Variants in EXOC4 observed in about 807,000 individuals in gnomAD.
EXOC4 encodes SEC8-like 1.
EXOC4 carries 71 observed loss-of-function variants against 107.2 expected under a neutral mutation model. That is an observed-to-expected ratio of 0.66 (90% confidence interval 0.55 to 0.81). The LOEUF (loss-of-function observed/expected upper bound fraction) is 0.81. Ranked by LOEUF, EXOC4 falls within the 30% of genes least tolerant of loss-of-function variation. The pLI, the probability that EXOC4 is intolerant of heterozygous loss-of-function variation, is 0.00. For missense variants in EXOC4, 1,108 were observed against 1,189.6 expected, an observed-to-expected ratio of 0.93 and a Z score of 1.01; for synonymous variants, 456 against 441.2, an observed-to-expected ratio of 1.03 and a Z score of -0.42.
At chr7:133,989,424 T>C (rs1160437819) in intron 14 of EXOC4, among the ~76,000 whole-genome samples, 3 of 152,108 alleles carry the variant, frequency 2.0e-5, no homozygotes, top group South Asian at 4.1e-4. Context: ...TCAGAACATA[T>C]TGGCAAGTAA....
At chr7:133,448,478 T>A (rs192952023) in intron 7 of EXOC4, among the ~76,000 whole-genome samples, 36 of 152,108 alleles carry the variant, frequency 2.4e-4, no homozygotes, top group South Asian at 6.2e-4. Flanking sequence ...TTAATTAATT[T>A]ATTTATTTTT....
intron 10 of EXOC4, among the ~76,000 whole-genome samples, chr7:133,720,134 G>A (rs2151105364): frequency 6.6e-6 from 1 of 152,278 alleles, no homozygotes; most frequent in East Asian, 1.9e-4. Context: ...AAGTGGGTAA[G>A]TGAATCTACC....
intron 6 of EXOC4, among the ~76,000 whole-genome samples, chr7:133,370,433 T>C (rs1412519364): frequency 2.0e-5 from 3 of 152,080 alleles, no homozygotes; most frequent in African/African-American, 7.2e-5. Context: ...GGGTCATAGA[T>C]AGATAGAGAC....
chr7:134,055,447 A>G (rs1426350027), intron 17 of EXOC4, among the ~76,000 whole-genome samples: 1 of 152,204 alleles, frequency 6.6e-6, no homozygotes, highest in African/African-American at 2.4e-5. Flanking sequence ...GCCAGAATCA[A>G]CCATTACCTT....
intron 10 of EXOC4, among the ~76,000 whole-genome samples, chr7:133,688,613 C>A (rs896622379): frequency 1.3e-5 from 2 of 152,110 alleles, no homozygotes; most frequent in Admixed American, 6.6e-5. Flanking sequence ...AGTAAATTAT[C>A]TTTCAGTATT....
At chr7:133,621,863 C>T (rs1802337581) in intron 9 of EXOC4, among the ~76,000 whole-genome samples, 1 of 152,158 alleles carries the variant, frequency 6.6e-6, no homozygotes, top group Admixed American at 6.5e-5. Flanking sequence ...AACTGCAAGA[C>T]GTTGTTTGGG....
At chr7:133,352,531 C>T (rs925016876) in intron 5 of EXOC4, among the ~76,000 whole-genome samples, 1 of 151,696 alleles carries the variant, frequency 6.6e-6, no homozygotes, top group African/African-American at 2.4e-5. Flanking sequence ...CTATTTGTGC[C>T]TTTGAATCGA....
At chr7:133,620,643 G>C (rs1802307762) in intron 9 of EXOC4, among the ~76,000 whole-genome samples, 1 of 152,172 alleles carries the variant, frequency 6.6e-6, no homozygotes, top group Non-Finnish European at 1.5e-5. Flanking sequence ...ATGAAGTACT[G>C]ATTCCTGCTA....
Position 133,606,517 on chromosome 7 carries a change from A to G in EXOC4, c.1418-23528A>G, listed in dbSNP as rs10258138. On this transcript the variant is annotated intron_variant, in intron 9 of 17. Transcript: ENST00000253861. ...GCTGTTTATTATTATTATTATTATT[A>G]TTTTTTTTTTTTTTTGAGGTGGAGT... is the stretch of plus-strand genomic sequence containing the variant. Among the ~76,000 whole-genome samples, 382 of 136,936 alleles carry G rather than the reference A, an allele frequency of 2.8e-3. 3 individuals carry two copies. The highest frequency in any genetic ancestry group is 2.4e-3 in the Non-Finnish European group (159 of 65,650). 89.8% of individuals were successfully genotyped at this position (136,936 alleles called of 152,430 possible).
intron 10 of EXOC4, among the ~76,000 whole-genome samples, chr7:133,739,561 G>C (rs1795519785): frequency 6.6e-6 from 1 of 152,166 alleles, no homozygotes. Context: ...AAGCAGAAGG[G>C]GGATCCAGGA....
At chr7:133,969,035 G>A (rs140215431) in intron 14 of EXOC4, among the ~76,000 whole-genome samples, 61 of 152,094 alleles carry the variant, frequency 4.0e-4, no homozygotes, top group African/African-American at 9.4e-4. Context: ...GGCTTTGATC[G>A]TTCCTTTTCA....
intron 10 of EXOC4, among the ~76,000 whole-genome samples, chr7:133,813,019 G>A (rs1174694367): frequency 6.6e-6 from 1 of 152,138 alleles, no homozygotes; most frequent in Non-Finnish European, 1.5e-5. Flanking sequence ...TCTGTACAGG[G>A]AGGTCCCTTG....
At chr7:133,754,640 A>G (rs1795861456) in intron 10 of EXOC4, among the ~76,000 whole-genome samples, 1 of 151,570 alleles carries the variant, frequency 6.6e-6, no homozygotes, top group Non-Finnish European at 1.5e-5. Flanking sequence ...TACAGTATTG[A>G]TTGATTATAT....
intron 10 of EXOC4, among the ~76,000 whole-genome samples, chr7:133,715,648 C>G (rs942492184): frequency 2.6e-5 from 4 of 152,134 alleles, no homozygotes; most frequent in African/African-American, 9.7e-5. Context: ...GGCCTTATCT[C>G]TGCTCTTGTC....
At chr7:133,679,671 G>A (rs111435666) in intron 10 of EXOC4, among the ~76,000 whole-genome samples, 111 of 152,278 alleles carry the variant, frequency 7.3e-4, no homozygotes, top group African/African-American at 2.6e-3. Flanking sequence ...TCATAAAGTG[G>A]TATGGACATC....
chr7:134,051,778 G>A (rs533758193), intron 17 of EXOC4, among the ~76,000 whole-genome samples: 4 of 152,124 alleles, frequency 2.6e-5, no homozygotes, highest in Non-Finnish European at 5.9e-5. Flanking sequence ...GAGGTCAGGA[G>A]ATCGAGACCA....
At chr7:134,084,505 C>T in the EXOC4 span, among the ~76,000 whole-genome samples, 7 of 152,048 alleles carry the variant, frequency 4.6e-5, no homozygotes, top group African/African-American at 1.4e-4. Context: ...GAGAAGGTCC[C>T]AAGAGGCTGG....
chr7:133,839,807 T>A lies in EXOC4; in HGVS notation c.1734+22263T>A, dbSNP rs537627995. ...TCTTTGAAGTTCTAAGTATTACACT[T>A]GAAAGTTTCTAACAGTTCATGCACT... On this transcript the variant is annotated intron_variant, in intron 11 of 17. Coordinates refer to ENST00000253861, the MANE Select transcript of EXOC4 (RefSeq NM_021807.4). 5.3e-5 allele frequency among the ~76,000 whole-genome samples: 8 copies of A among 152,336 alleles called. No homozygotes were observed. In the South Asian group the frequency reaches 1.7e-3, roughly 32 times the overall value.
intron 4 of EXOC4, among the ~76,000 whole-genome samples, chr7:133,316,591 T>C (rs1794996568): frequency 6.6e-6 from 1 of 152,336 alleles, no homozygotes; most frequent in African/African-American, 2.4e-5. Context: ...GATTTAAAAT[T>C]AATGTGTTTA....
Sources: allele counts gnomAD v4.1 joint callset (sites outside exome capture counted in the v4.1 genomes callset), GRCh38; gene constraint gnomAD v4.1.1; transcripts MANE v1.5; gene names NCBI Gene and HGNC (gene_info 2026-07-23, HGNC 2026-07-21).